The following FAM168A variants were observed in gnomAD, a reference collection of about 807,000 sequenced individuals.
The protein encoded by FAM168A is protein FAM168A.
FAM168A carries 3 observed loss-of-function variants against 28.5 expected under a neutral mutation model. The observed-to-expected ratio is 0.11, with a 90% CI of 0.05 to 0.27. The LOEUF (loss-of-function observed/expected upper bound fraction) is 0.27, where lower values mean the gene tolerates loss of function less well. FAM168A is among the 10% of genes least tolerant of loss of function. The pLI is 1.00. For synonymous variants in FAM168A, 122 were observed against 124.2 expected (o/e 0.98, Z 0.12); for missense variants, 222 against 311.5 (o/e 0.71, Z 2.16).
intron 2 of FAM168A, among the ~76,000 whole-genome samples, chr11:73,439,776 G>T (rs1282597654): frequency 6.6e-6 from 1 of 151,424 alleles, no homozygotes; most frequent in African/African-American, 2.4e-5. Context: ...GTTGTTTGGT[G>T]TCTCTGACCT....
chr11:73,507,013 TTTA>T (rs1230357652), intron 1 of FAM168A, among the ~76,000 whole-genome samples: 1 of 152,214 alleles, frequency 6.6e-6, no homozygotes, highest in Non-Finnish European at 1.5e-5. Flanking sequence ...TTGCAAATCT[TTTA>T]TTATCATATA....
chr11:73,505,072 C>A (rs1349032159), intron 1 of FAM168A, among the ~76,000 whole-genome samples: 1 of 151,770 alleles, frequency 6.6e-6, no homozygotes, highest in Non-Finnish European at 1.5e-5. Context: ...CCATGGCACA[C>A]GTATACCTAT....
At chr11:73,514,667 T>C (rs535536189) in intron 1 of FAM168A, among the ~76,000 whole-genome samples, 16 of 152,098 alleles carry the variant, frequency 1.1e-4, no homozygotes, top group African/African-American at 3.6e-4. Context: ...CCCCTGTCTA[T>C]ACAAAAATAC....
At chr11:73,589,114 T>C (rs78350722) in intron 1 of FAM168A, among the ~76,000 whole-genome samples, 3,857 of 152,284 alleles carry the variant, frequency 0.025, 77 homozygotes, top group Middle Eastern at 0.041. Flanking sequence ...GTCTATGGCA[T>C]TTTGGTATGG....
chr11:73,463,544 G>A (rs924919311), intron 2 of FAM168A, among the ~76,000 whole-genome samples: 5 of 152,184 alleles, frequency 3.3e-5, no homozygotes, highest in African/African-American at 1.2e-4. Flanking sequence ...AAGCTCAGAA[G>A]AATGGTTTGC....
intron 2 of FAM168A, among the ~76,000 whole-genome samples, chr11:73,462,195 A>T (rs1262363932): frequency 6.6e-6 from 1 of 152,252 alleles, no homozygotes; most frequent in East Asian, 1.9e-4. Context: ...TTTACAATAG[A>T]CCAAAAGCAG....
At chr11:73,572,422 G>A (rs1310531074) in intron 1 of FAM168A, among the ~76,000 whole-genome samples, 1 of 152,136 alleles carries the variant, frequency 6.6e-6, no homozygotes, top group African/African-American at 2.4e-5. Context: ...TGGCGGTTTT[G>A]TGGAATAGAA....
intron 1 of FAM168A, among the ~76,000 whole-genome samples, chr11:73,490,595 G>T (rs928595199): frequency 6.6e-6 from 1 of 152,140 alleles, no homozygotes; most frequent in Non-Finnish European, 1.5e-5. Flanking sequence ...AACATACCAG[G>T]ACTGGCCTCA....
intron 1 of FAM168A, among the ~76,000 whole-genome samples, chr11:73,493,698 T>G (rs572082296): frequency 7.0e-4 from 107 of 152,330 alleles, no homozygotes; most frequent in African/African-American, 2.4e-3. Flanking sequence ...ATTACAGGCA[T>G]GAGCCACCAT....
At chr11:73,590,774 A>G (rs1189800929) in intron 1 of FAM168A, among the ~76,000 whole-genome samples, 1 of 152,058 alleles carries the variant, frequency 6.6e-6, no homozygotes, top group African/African-American at 2.4e-5. Flanking sequence ...TAGAACTGAC[A>G]CATATCTTTT....
At chr11:73,535,498 C>G (rs1002558836) in intron 1 of FAM168A, among the ~76,000 whole-genome samples, 12 of 150,632 alleles carry the variant, frequency 8.0e-5, no homozygotes, top group African/African-American at 2.5e-4. Context: ...CAGCTCACTG[C>G]AATCTCCACC....
intron 1 of FAM168A, among the ~76,000 whole-genome samples, chr11:73,509,889 G>A (rs1475286916): frequency 6.6e-6 from 1 of 152,006 alleles, no homozygotes; most frequent in African/African-American, 2.4e-5. Context: ...CCCAACTCTG[G>A]GAGGCTTTCC....
chr11:73,512,802 A>G (rs903970514), intron 1 of FAM168A, among the ~76,000 whole-genome samples: 1 of 152,202 alleles, frequency 6.6e-6, no homozygotes, highest in Non-Finnish European at 1.5e-5. Flanking sequence ...AGACAGATAG[A>G]AACACAGAGG....
In FAM168A at chr11:73,529,796, C is replaced by CTTTTTTTTTTTTTTTTTT. The variant is rs772530179; in HGVS notation, c.-18-61305_-18-61304insAAAAAAAAAAAAAAAAAA. Among the ~76,000 whole-genome samples the CTTTTTTTTTTTTTTTTTT allele has an allele frequency of 2.4e-4, 30 of 127,526 alleles. 2 individuals carry two copies. Among genetic ancestry groups the CTTTTTTTTTTTTTTTTTT allele is most frequent in the African/African-American group, 9.4e-4 (28 of 29,660 alleles). 83.7% of individuals were successfully genotyped at this position (127,526 alleles called of 152,430 possible). ...TCCTTCATTCAAACAACTTTTTCTT[C>CTTTTTTTTTTTTTTTTTT]TTTTTTTTTTTTTTTTGGAGACGCA... is the stretch of plus-strand genomic sequence containing the variant. On this transcript the variant is annotated intron_variant, in intron 1 of 7. Transcript: ENST00000356467.
At chr11:73,573,441 C>T (rs1476240699) in intron 1 of FAM168A, among the ~76,000 whole-genome samples, 1 of 152,170 alleles carries the variant, frequency 6.6e-6, no homozygotes, top group East Asian at 1.9e-4. Context: ...AAGCTCTTCT[C>T]TAAGTCCTCT....
chr11:73,493,319 T>C (rs1476851557), intron 1 of FAM168A, among the ~76,000 whole-genome samples: 1 of 152,192 alleles, frequency 6.6e-6, no homozygotes, highest in East Asian at 1.9e-4. Flanking sequence ...CCGTAGACCA[T>C]ACGTATACAG....
chr11:73,569,857 T>C (rs112709051), intron 1 of FAM168A, among the ~76,000 whole-genome samples: 22 of 135,220 alleles, frequency 1.6e-4, no homozygotes, highest in African/African-American at 7.3e-4. Flanking sequence ...AATAAATAAA[T>C]AAACAAAATA....
At chr11:73,440,580 T>A (rs1276492362) in intron 2 of FAM168A, among the ~76,000 whole-genome samples, 1 of 152,020 alleles carries the variant, frequency 6.6e-6, no homozygotes, top group Non-Finnish European at 1.5e-5. Flanking sequence ...CAGTGAGCCG[T>A]GACTGCACCA....
Position 73,477,056 on chromosome 11 carries a change from T to A in FAM168A, c.-18-8564A>T, listed in dbSNP as rs1015166746. ...AATAAAACAAAAAACAAAATCATGT[T>A]CTCTGCAGCAACATGGATGCAGCTG... On this transcript the variant is annotated intron_variant, in intron 1 of 7. Coordinates refer to ENST00000356467, the MANE Select transcript of FAM168A (RefSeq NM_015159.3). Among the ~76,000 whole-genome samples, 4 of 152,118 alleles carry A rather than the reference T, an allele frequency of 2.6e-5. 1 individual carries two copies. Among genetic ancestry groups the A allele is most frequent in the Admixed American group, 1.3e-4 (2 of 15,258 alleles).
Sources: gnomAD v4.1 joint callset for allele counts (sites outside exome capture counted in the v4.1 genomes callset) on GRCh38, gnomAD v4.1.1 for gene constraint, MANE v1.5 for transcripts, NCBI Gene and HGNC (gene_info 2026-07-23, HGNC 2026-07-21) for gene names.